The following PHACTR3 variants were observed in gnomAD, a reference collection of about 807,000 sequenced individuals.
PHACTR3 encodes the protein phosphatase and actin regulator 3, also known as protein phosphatase 1, regulatory subunit 123.
Under a neutral mutation model 66.8 loss-of-function variants are expected in PHACTR3, and 16 were observed. That is an observed-to-expected ratio of 0.24 (90% CI 0.16 to 0.36). The LOEUF (loss-of-function observed/expected upper bound fraction) is 0.36, where lower values mean the gene tolerates loss of function less well. PHACTR3 is among the 10% of genes least tolerant of loss of function. PHACTR3 has a pLI of 1.00. For missense variants in PHACTR3, 647 were observed against 719.9 expected (o/e 0.90, Z 1.16); for synonymous variants, 323 against 292.1 (o/e 1.11, Z -1.08).
intron 1 of PHACTR3, among the ~76,000 whole-genome samples, chr20:59,608,508 T>G (rs2033739706): frequency 6.6e-6 from 1 of 152,238 alleles, no homozygotes; most frequent in Non-Finnish European, 1.5e-5. Flanking sequence ...CCATCTGCTC[T>G]CAGGCTCTGG....
intron 10 of PHACTR3, 53 bp downstream of exon 10, chr20:59,840,483 T>G: frequency 1.2e-6 from 2 of 1,605,164 alleles, no homozygotes; most frequent in Non-Finnish European, 1.7e-6. Flanking sequence ...AGAGAACAGC[T>G]GCTTCGGTAG....
At chr20:59,712,279 T>C (rs2037938087) in intron 1 of PHACTR3, among the ~76,000 whole-genome samples, 1 of 152,244 alleles carries the variant, frequency 6.6e-6, no homozygotes, top group Admixed American at 6.5e-5. Context: ...CTGCTATGCG[T>C]TGCATTGTTG....
chr20:59,786,658 G>T (rs894136059), intron 7 of PHACTR3, among the ~76,000 whole-genome samples: 2 of 152,090 alleles, frequency 1.3e-5, no homozygotes, highest in African/African-American at 4.8e-5. Context: ...CTGTGCCATT[G>T]ACGGGTGTCC....
rs149331817 is a variant in PHACTR3 at position 59,656,733 on chromosome 20, C to T, written c.118+51601C>T. On this transcript the variant is annotated intron_variant, in intron 1 of 12. Transcript: ENST00000371015. ...TTGTTCCTCTATTTTTCCTTTACTG[C>T]TTTATTTGGCCTTAAATGAGTATTT... is the stretch of plus-strand genomic sequence containing the variant. 1.5e-3 allele frequency among the ~76,000 whole-genome samples: 222 copies of T among 151,520 alleles called. 6 individuals are homozygous for T. The East Asian group carries it at 0.036, about 25-fold the overall frequency.
At chr20:59,689,512 G>GT (rs1169541483) in intron 1 of PHACTR3, among the ~76,000 whole-genome samples, 3 of 152,204 alleles carry the variant, frequency 2.0e-5, no homozygotes, top group Admixed American at 2.0e-4. Flanking sequence ...CAAGCTGACC[G>GT]GGTTACAGGT....
chr20:59,826,282 C>A (rs1397835782), intron 8 of PHACTR3, among the ~76,000 whole-genome samples: 4 of 152,112 alleles, frequency 2.6e-5, no homozygotes, highest in Non-Finnish European at 5.9e-5. Flanking sequence ...AATTCCCTGC[C>A]ACAGGCTCGG....
chr20:59,671,785 T>C (rs1399995080), intron 1 of PHACTR3, among the ~76,000 whole-genome samples: 1 of 152,248 alleles, frequency 6.6e-6, no homozygotes, highest in Non-Finnish European at 1.5e-5. Flanking sequence ...CCAGGCTGCG[T>C]GGCTGCTGCC....
chr20:59,812,860 A>G (rs1406078707), intron 8 of PHACTR3, among the ~76,000 whole-genome samples: 1 of 152,102 alleles, frequency 6.6e-6, no homozygotes. Context: ...AGCAGGGACC[A>G]TCATCCCTGC....
chr20:59,752,416 A>G (rs2039627551), intron 3 of PHACTR3, among the ~76,000 whole-genome samples: 1 of 152,194 alleles, frequency 6.6e-6, no homozygotes, highest in African/African-American at 2.4e-5. Context: ...CGAGAGGAGC[A>G]GGGCCTGGGC....
At chr20:59,689,442 T>C (rs935720332) in intron 1 of PHACTR3, among the ~76,000 whole-genome samples, 1 of 152,182 alleles carries the variant, frequency 6.6e-6, no homozygotes, top group Non-Finnish European at 1.5e-5. Context: ...TTCACACTTG[T>C]GTGGGGATCT....
chr20:59,799,252 C>T (rs371074135), intron 7 of PHACTR3, among the ~76,000 whole-genome samples: 2 of 152,038 alleles, frequency 1.3e-5, no homozygotes, highest in East Asian at 3.9e-4. Flanking sequence ...AATGCGTGCT[C>T]TTCTGTTGTT....
chr20:59,606,582 G>A (rs534886966), intron 1 of PHACTR3, among the ~76,000 whole-genome samples: 66 of 152,302 alleles, frequency 4.3e-4, no homozygotes, highest in African/African-American at 1.5e-3. Context: ...TTGGAGAGGC[G>A]CATCCACAAC....
intron 12 of PHACTR3, 87 bp from the exon 13 acceptor site, chr20:59,847,028 A>T: frequency 1.1e-6 from 1 of 912,170 alleles, no homozygotes; most frequent in Non-Finnish European, 1.7e-6. Context: ...TTTTAATAGC[A>T]GCAAATTTAT....
intron 1 of PHACTR3, among the ~76,000 whole-genome samples, chr20:59,635,149 T>TTCTTTCTTTCC (rs1555881160): frequency 0.081 from 4,860 of 59,836 alleles, 284 homozygotes; most frequent in Middle Eastern, 0.15. Flanking sequence ...CTTTCTTTCT[T>TTCTTTCTTTCC]TTTCTTTCTT....
intron 8 of PHACTR3, among the ~76,000 whole-genome samples, chr20:59,811,519 C>T (rs2041735490): frequency 1.3e-5 from 2 of 152,066 alleles, no homozygotes; most frequent in Admixed American, 6.6e-5. Context: ...ATTAGCCAGG[C>T]GTGGTGGCAG....
intron 6 of PHACTR3, 133 bp from the exon 7 acceptor site, chr20:59,774,110 C>G: frequency 8.6e-7 from 1 of 1,160,060 alleles, no homozygotes; most frequent in Non-Finnish European, 1.2e-6. Context: ...CTGGTGTGTC[C>G]AGGATAAAAA....
At chr20:59,702,269 T>G (rs2037533482) in intron 1 of PHACTR3, among the ~76,000 whole-genome samples, 1 of 152,174 alleles carries the variant, frequency 6.6e-6, no homozygotes, top group Non-Finnish European at 1.5e-5. Context: ...TGTCATCACC[T>G]CCCTGTCTGG....
At chr20:59,630,484 G>A (rs2034623775) in intron 1 of PHACTR3, among the ~76,000 whole-genome samples, 1 of 152,214 alleles carries the variant, frequency 6.6e-6, no homozygotes, top group Non-Finnish European at 1.5e-5. Context: ...TTCCCAGCCT[G>A]TTTAATTTTT....
At chr20:59,798,760 CCTT>C (rs1327579632) in intron 7 of PHACTR3, among the ~76,000 whole-genome samples, 2 of 151,912 alleles carry the variant, frequency 1.3e-5, no homozygotes, top group African/African-American at 2.4e-5. Context: ...ATCTCTTTTT[CCTT>C]CTTCTTCCTG....
Sources: allele counts gnomAD v4.1 joint callset (sites outside exome capture counted in the v4.1 genomes callset), GRCh38; gene constraint gnomAD v4.1.1; transcripts MANE v1.5; gene names NCBI Gene and HGNC (gene_info 2026-07-23, HGNC 2026-07-21).